The following FHIP2A variants were observed in gnomAD, a reference collection of about 807,000 sequenced individuals.
The protein encoded by FHIP2A is family with sequence similarity 160 member B1.
FHIP2A carries 46 observed loss-of-function variants against 93.5 expected under a neutral mutation model. The ratio of observed to expected loss-of-function variants is 0.49; its 90% CI spans 0.39 to 0.63. FHIP2A has a LOEUF of 0.63. Among genes scored for constraint, FHIP2A ranks in the 20% least tolerant of loss-of-function variants. The pLI is 0.00. For synonymous variants in FHIP2A, 332 were observed against 326.5 expected (o/e 1.02, Z -0.18); for missense variants, 769 against 909.7 (o/e 0.85, Z 1.99).
Position 114,863,812 on chromosome 10 carries a change from AC to A in FHIP2A, c.*2274del. The A allele has an allele frequency of 9.2e-7, 1 of 1,081,694 alleles. No individual in the cohort carries two copies. The allele number at this position is 1,081,694 out of a possible 1,614,324, so 67.0% of individuals were successfully genotyped here. A position where few individuals can be genotyped will look rare whatever the true frequency, so the allele number is the denominator to read the frequency against. ...AAATGCACTATGCTGAGTGGAAAGC[AC>A]CGTCATAACAATTGATTGCCATAGC... On this transcript the variant is annotated 3_prime_UTR_variant, in exon 17 of 17. Transcript: ENST00000369248.
At chr10:114,882,912 G>A (rs1052205561) in intron 16 of FHIP2A, among the ~76,000 whole-genome samples, 1 of 151,816 alleles carries the variant, frequency 6.6e-6, no homozygotes, top group Non-Finnish European at 1.5e-5. Context: ...AACACCTCAT[G>A]AGCAGCAGTT....
chr10:114,858,495 C>T lies in FHIP2A; in HGVS notation c.1948-2254C>T, dbSNP rs147777798. On this transcript the variant is annotated intron_variant, in intron 14 of 16. Transcript: ENST00000369248. ...TATTTATTTAAGCACCTGCAGATGG[C>T]GAAATTTAGTGACCTAAAAATCTTA... Among the ~76,000 whole-genome samples the T allele has an allele frequency of 2.2e-3, 326 of 151,530 alleles. 9 individuals are homozygous for T. The East Asian group carries it at 0.051, about 24-fold the overall frequency.
chr10:114,861,032 T>C, intron 15 of FHIP2A, 143 bp downstream of exon 15: 2 of 1,037,556 alleles, frequency 1.9e-6, no homozygotes, highest in Non-Finnish European at 2.8e-6. Context: ...TGAACTACTA[T>C]TTTTTCAATT....
rs1395266847 is a variant in FHIP2A at position 114,893,441 on chromosome 10, A to AGAGTTAGTC, written c.2193-6048_2193-6040dup. On this transcript the variant is annotated intron_variant, in intron 16 of 16. Coordinates refer to the FHIP2A transcript ENST00000369250. ...ATATGCAAGTCAGCCAATCGGGAAC[A>AGAGTTAGTC]GAGTTAGTCTAATAGATGAGCTTCT... 2.0e-5 allele frequency among the ~76,000 whole-genome samples: 3 copies of AGAGTTAGTC among 152,220 alleles called. No homozygotes were observed. The East Asian group carries it at 5.8e-4, about 29-fold the overall frequency.
At chr10:114,823,678 T>A (rs1168886958) in intron 1 of FHIP2A, among the ~76,000 whole-genome samples, 6 of 142,038 alleles carry the variant, frequency 4.2e-5, no homozygotes, top group East Asian at 2.0e-4. Flanking sequence ...TTTTTTTTTT[T>A]AGTAGAGATG....
intron 16 of FHIP2A, among the ~76,000 whole-genome samples, chr10:114,871,374 A>C (rs910902967): frequency 6.6e-6 from 1 of 152,042 alleles, no homozygotes; most frequent in African/African-American, 2.4e-5. Context: ...TCAATGCAGC[A>C]ACAGTAGCAT....
At chr10:114,849,470 A>C (rs2083721767) in intron 13 of FHIP2A, among the ~76,000 whole-genome samples, 1 of 152,044 alleles carries the variant, frequency 6.6e-6, no homozygotes, top group Non-Finnish European at 1.5e-5. Context: ...TCACCTTTCT[A>C]CCTCACTCAA....
Position 114,847,138 on chromosome 10 carries a change from T to A in FHIP2A, c.1617T>A (p.Thr539=). The A allele has an allele frequency of 6.2e-7, 1 of 1,613,398 alleles. No individual in the cohort carries two copies. The highest frequency in any genetic ancestry group is 2.2e-5 in the East Asian group (1 of 44,818). Reference sequence around the variant, plus strand: ...TTACTGACATTTCACCAGAAAACACTTTGCCAAACCAAGAGTGGCTTAGTT... The same window carrying A: ...TTACTGACATTTCACCAGAAAACACATTGCCAAACCAAGAGTGGCTTAGTT... ...PLFTDISPEN[T]LPNQEWLSSS... The change falls in exon 12 of 17, where the codon ACT becomes ACA. Residue 539 remains threonine (T), a synonymous_variant. Transcript: ENST00000369248.
chr10:114,837,267 C>T (rs930529810), intron 5 of FHIP2A, among the ~76,000 whole-genome samples: 1 of 152,140 alleles, frequency 6.6e-6, no homozygotes, highest in Non-Finnish European at 1.5e-5. Flanking sequence ...GTAATCCCAG[C>T]ATTTTGGGAG....
intron 1 of FHIP2A, among the ~76,000 whole-genome samples, chr10:114,826,601 T>C (rs1363341226): frequency 6.6e-6 from 1 of 152,156 alleles, no homozygotes; most frequent in Non-Finnish European, 1.5e-5. Context: ...GGAGTTGTTA[T>C]AGAAGGCTCT....
intron 1 of FHIP2A, among the ~76,000 whole-genome samples, chr10:114,829,222 C>T (rs8181444): frequency 0.41 from 62,181 of 150,016 alleles, 13,338 homozygotes; most frequent in Non-Finnish European, 0.48. Flanking sequence ...TGATCATATG[C>T]TAAACAAGGG....
chr10:114,874,477 A>G (rs886386485), intron 16 of FHIP2A, among the ~76,000 whole-genome samples: 4 of 152,192 alleles, frequency 2.6e-5, no homozygotes, highest in East Asian at 1.9e-4. Context: ...AATGAACTAC[A>G]AATTGTATAA....
chr10:114,881,891 A>C (rs909457912), intron 16 of FHIP2A, among the ~76,000 whole-genome samples: 3 of 152,224 alleles, frequency 2.0e-5, no homozygotes, highest in Non-Finnish European at 4.4e-5. Flanking sequence ...TTTCCAAGAC[A>C]GTCAAGACCT....
chr10:114,828,396 T>C (rs1395419868), intron 1 of FHIP2A, among the ~76,000 whole-genome samples: 2 of 152,222 alleles, frequency 1.3e-5, no homozygotes, highest in African/African-American at 4.8e-5. Context: ...AAAAGGATAC[T>C]GTAACTCCTC....
chr10:114,898,728 T>G (rs984365111), intron 16 of FHIP2A, among the ~76,000 whole-genome samples: 4 of 152,220 alleles, frequency 2.6e-5, no homozygotes, highest in African/African-American at 9.6e-5. Context: ...GCAGCCTGAC[T>G]GATACAAAAA....
At chr10:114,895,176 CT>C (rs1394185727) in intron 16 of FHIP2A, among the ~76,000 whole-genome samples, 2 of 152,194 alleles carry the variant, frequency 1.3e-5, no homozygotes, top group East Asian at 3.8e-4. Context: ...TCCCCATTTT[CT>C]TCCTGCTGAC....
chr10:114,823,270 G>A (rs1321639561), intron 1 of FHIP2A, among the ~76,000 whole-genome samples: 1 of 152,016 alleles, frequency 6.6e-6, no homozygotes, highest in Admixed American at 6.6e-5. Context: ...TTAGCTCTAG[G>A]GCAAGCTCTT....
intron 13 of FHIP2A, among the ~76,000 whole-genome samples, chr10:114,848,972 G>A (rs1051933511): frequency 4.6e-5 from 7 of 151,410 alleles, no homozygotes; most frequent in Non-Finnish European, 7.4e-5. Context: ...GTGAAACCCC[G>A]TCTCTACTAA....
intron 16 of FHIP2A, chr10:114,899,416 C>T (rs1237275886): frequency 9.8e-5 from 70 of 714,752 alleles, no homozygotes; most frequent in East Asian, 2.7e-5. Flanking sequence ...TAGTTAGATC[C>T]GTATGCTCAG....
Sources: gnomAD v4.1 joint callset for allele counts (sites outside exome capture counted in the v4.1 genomes callset) on GRCh38, gnomAD v4.1.1 for gene constraint, MANE v1.5 for transcripts, NCBI Gene and HGNC (gene_info 2026-07-23, HGNC 2026-07-21) for gene names.